The following CFAP299 variants were observed in gnomAD, a reference collection of about 807,000 sequenced individuals.
CFAP299 encodes cilia and flagella associated protein 299, also known as cilia- and flagella-associated protein 299.
A neutral mutation model predicts 27.0 loss-of-function variants in CFAP299; 21 were observed. That is an observed-to-expected ratio of 0.78 (90% CI 0.55 to 1.12). The LOEUF (loss-of-function observed/expected upper bound fraction) is 1.12. CFAP299 is among the 50% of genes most tolerant of loss of function. The probability of loss-of-function intolerance (pLI) is 0.00; values close to 1 mark genes in which losing one functional copy is unlikely to be tolerated. For missense variants in CFAP299, 310 were observed against 276.6 expected, an observed-to-expected ratio of 1.12 and a Z score of -0.86; for synonymous variants, 104 against 98.1, an observed-to-expected ratio of 1.06 and a Z score of -0.36.
At chr4:80,398,970 CA>C (rs1725978895) in intron 2 of CFAP299, among the ~76,000 whole-genome samples, 1 of 151,520 alleles carries the variant, frequency 6.6e-6, no homozygotes, top group African/African-American at 2.4e-5. Context: ...CCAGAATCTA[CA>C]AAGAACTCAA....
intron 2 of CFAP299, among the ~76,000 whole-genome samples, chr4:80,568,009 A>C (rs1735395781): frequency 6.6e-6 from 1 of 151,824 alleles, no homozygotes; most frequent in African/African-American, 2.4e-5. Context: ...TTATAGATTC[A>C]TTTTCTGCTA....
intron 2 of CFAP299, among the ~76,000 whole-genome samples, chr4:80,394,691 C>T (rs1225739131): frequency 2.0e-5 from 3 of 152,076 alleles, no homozygotes; most frequent in Non-Finnish European, 4.4e-5. Flanking sequence ...TGTCCTTTCC[C>T]CAATGTGTGT....
chr4:80,495,084 A>G (rs1009023275), intron 2 of CFAP299, among the ~76,000 whole-genome samples: 1 of 152,244 alleles, frequency 6.6e-6, no homozygotes, highest in Non-Finnish European at 1.5e-5. Context: ...ATCACAGTTC[A>G]TATGTTAAGT....
chr4:80,462,823 G>GT (rs1318301213), intron 2 of CFAP299, among the ~76,000 whole-genome samples: 1 of 151,928 alleles, frequency 6.6e-6, no homozygotes, highest in Non-Finnish European at 1.5e-5. Context: ...CCTCTTTCTA[G>GT]TTTTTTTCCT....
intron 3 of CFAP299, among the ~76,000 whole-genome samples, chr4:80,635,177 C>T (rs1470414468): frequency 6.6e-6 from 1 of 151,966 alleles, no homozygotes; most frequent in East Asian, 1.9e-4. Flanking sequence ...GAATTTAGTG[C>T]AGTTTACAGA....
intron 2 of CFAP299, among the ~76,000 whole-genome samples, chr4:80,382,712 T>C (rs760723606): frequency 6.6e-6 from 1 of 152,164 alleles, no homozygotes; most frequent in Admixed American, 6.5e-5. Flanking sequence ...GGAACACTTA[T>C]ACACCGTTGG....
intron 3 of CFAP299, among the ~76,000 whole-genome samples, chr4:80,747,900 A>T (rs1036332451): frequency 6.6e-6 from 1 of 152,060 alleles, no homozygotes; most frequent in African/African-American, 2.4e-5. Flanking sequence ...CAGATCAAAC[A>T]TCTTTCTGAA....
intron 2 of CFAP299, among the ~76,000 whole-genome samples, chr4:80,523,122 A>T (rs1158285619): frequency 6.6e-6 from 1 of 152,190 alleles, no homozygotes; most frequent in African/African-American, 2.4e-5. Flanking sequence ...TCTTCCAATC[A>T]TGAGCATAGA....
chr4:80,453,960 G>T (rs1024182327), intron 2 of CFAP299, among the ~76,000 whole-genome samples: 3 of 151,580 alleles, frequency 2.0e-5, no homozygotes, highest in Non-Finnish European at 4.4e-5. Flanking sequence ...TGCTTTAAAG[G>T]TCTGAGAAAA....
intron 2 of CFAP299, among the ~76,000 whole-genome samples, chr4:80,449,635 T>C (rs549003182): frequency 6.6e-6 from 1 of 151,880 alleles, no homozygotes; most frequent in East Asian, 1.9e-4. Context: ...ATATTTATAT[T>C]TTCTCAGTTT....
intron 3 of CFAP299, among the ~76,000 whole-genome samples, chr4:80,661,781 C>A (rs571590771): frequency 2.6e-4 from 39 of 152,294 alleles, no homozygotes; most frequent in African/African-American, 9.4e-4. Context: ...AGCCATATTT[C>A]TCTTCTTTCA....
intron 3 of CFAP299, among the ~76,000 whole-genome samples, chr4:80,600,165 T>A (rs908090008): frequency 1.3e-5 from 2 of 152,116 alleles, no homozygotes; most frequent in African/African-American, 4.8e-5. Flanking sequence ...ACTGAAACAG[T>A]TTCTGCAATA....
intron 3 of CFAP299, among the ~76,000 whole-genome samples, chr4:80,790,845 A>G (rs758238482): frequency 2.0e-5 from 3 of 152,128 alleles, no homozygotes; most frequent in Non-Finnish European, 4.4e-5. Context: ...TGAACAAAGA[A>G]CATTCATTTA....
intron 4 of CFAP299, among the ~76,000 whole-genome samples, chr4:80,936,700 A>C (rs1006002002): frequency 1.3e-5 from 2 of 152,096 alleles, no homozygotes; most frequent in Non-Finnish European, 2.9e-5. Context: ...GGCTTAGTAC[A>C]TGCCTGACTA....
intron 3 of CFAP299, among the ~76,000 whole-genome samples, chr4:80,766,927 A>C (rs1343027492): frequency 6.6e-6 from 1 of 152,204 alleles, no homozygotes; most frequent in Non-Finnish European, 1.5e-5. Context: ...GCGAAAGAGT[A>C]AATTTCAGTT....
At chr4:80,649,509 C>A (rs1162295542) in intron 3 of CFAP299, among the ~76,000 whole-genome samples, 1 of 151,954 alleles carries the variant, frequency 6.6e-6, no homozygotes, top group South Asian at 2.1e-4. Flanking sequence ...CTTAATGAAA[C>A]AATTTTATTT....
intron 2 of CFAP299, among the ~76,000 whole-genome samples, chr4:80,550,651 A>G (rs1453607531): frequency 2.0e-5 from 3 of 151,934 alleles, no homozygotes; most frequent in African/African-American, 4.8e-5. Context: ...CACCATTTTA[A>G]TCCTGATGTT....
chr4:80,879,830 C>T (rs1200446551), intron 4 of CFAP299, among the ~76,000 whole-genome samples: 5 of 152,184 alleles, frequency 3.3e-5, no homozygotes, highest in African/African-American at 1.2e-4. Context: ...AGAATTCAAC[C>T]TTTTCCTCCA....
intron 3 of CFAP299, among the ~76,000 whole-genome samples, chr4:80,857,566 T>C (rs917434383): frequency 6.6e-6 from 1 of 152,194 alleles, no homozygotes; most frequent in African/African-American, 2.4e-5. Context: ...TGTTATTATT[T>C]TGAGATACAT....
Sources: allele counts gnomAD v4.1 joint callset (sites outside exome capture counted in the v4.1 genomes callset), GRCh38; gene constraint gnomAD v4.1.1; transcripts MANE v1.5; gene names NCBI Gene and HGNC (gene_info 2026-07-23, HGNC 2026-07-21).